KIF18B: variants seen among roughly 807,000 people sequenced by gnomAD.
KIF18B encodes the protein kinesin-like protein KIF18B.
In KIF18B, 49 loss-of-function variants were observed where a neutral mutation model predicts 80.9. The observed-to-expected ratio is 0.61, with a 90% CI of 0.48 to 0.77. The LOEUF (loss-of-function observed/expected upper bound fraction) is 0.77, where lower values mean the gene tolerates loss of function less well. KIF18B is among the 30% of genes least tolerant of loss of function. The probability of loss-of-function intolerance (pLI) is 0.00; values close to 1 mark genes in which losing one functional copy is unlikely to be tolerated. For missense variants in KIF18B, 994 were observed against 1,127.7 expected (o/e 0.88, Z 1.70); for synonymous variants, 439 against 463.9 (o/e 0.95, Z 0.69).
At chr17:44,943,443 G>A (rs2052456848) in intron 1 of KIF18B, among the ~76,000 whole-genome samples, 3 of 152,132 alleles carry the variant, frequency 2.0e-5, no homozygotes, top group Admixed American at 6.5e-5. Flanking sequence ...TGTAATTGAT[G>A]ATAGCGTTGT....
At chr17:44,943,495 T>A (rs761816293) in intron 1 of KIF18B, among the ~76,000 whole-genome samples, 2 of 152,180 alleles carry the variant, frequency 1.3e-5, no homozygotes, top group Non-Finnish European at 2.9e-5. Flanking sequence ...TTATTTTTCT[T>A]GTCTTACATT....
In KIF18B at chr17:44,926,395, T is replaced by A; in HGVS notation, c.2452+19A>T. ...CGGCCTCCATGGCCCAGGCTATCCC[T>A]GTCCCTAGTGCCAGTCACCTGGGAG... On this transcript the variant is annotated intron_variant, in intron 15 of 15. Coordinates refer to ENST00000593135, the MANE Select transcript of KIF18B (RefSeq NM_001265577.2). 6.4e-7 allele frequency: 1 copy of A among 1,561,690 alleles called. No homozygotes were observed. The highest frequency in any genetic ancestry group is 2.4e-5 in the East Asian group (1 of 41,810).
chr17:44,932,503 G>A, intron 9 of KIF18B, 170 bp downstream of exon 9: 1 of 610,102 alleles, frequency 1.6e-6, no homozygotes, highest in Non-Finnish European at 2.9e-6. Flanking sequence ...ATTGGACACA[G>A]CACTCTAGGT....
At chr17:44,942,674 C>T (rs1561969) in intron 1 of KIF18B, among the ~76,000 whole-genome samples, 10 of 152,218 alleles carry the variant, frequency 6.6e-5, no homozygotes, top group Admixed American at 5.9e-4. Flanking sequence ...CCTGGGCACC[C>T]GGCCCAGCAT....
At chr17:44,936,617 TATA>T (rs2052311393) in intron 1 of KIF18B, among the ~76,000 whole-genome samples, 2 of 86,272 alleles carry the variant, frequency 2.3e-5, no homozygotes, top group Non-Finnish European at 4.5e-5. Flanking sequence ...TATATATATA[TATA>T]TATATTTTTT....
intron 1 of KIF18B, among the ~76,000 whole-genome samples, chr17:44,939,578 CCTG>C (rs1234526811): frequency 6.6e-6 from 1 of 151,838 alleles, no homozygotes; most frequent in Non-Finnish European, 1.5e-5. Flanking sequence ...TATGAAAAAT[CCTG>C]CTAAGATTTT....
intron 1 of KIF18B, among the ~76,000 whole-genome samples, chr17:44,945,906 G>GAAAA (rs749503310): frequency 7.6e-5 from 7 of 92,038 alleles, no homozygotes; most frequent in African/African-American, 2.2e-4. Context: ...TTCTGTCTCA[G>GAAAA]AAAAAAAAAA....
At chr17:44,938,705 C>T (rs2052357339) in intron 1 of KIF18B, among the ~76,000 whole-genome samples, 1 of 152,166 alleles carries the variant, frequency 6.6e-6, no homozygotes, top group Non-Finnish European at 1.5e-5. Context: ...ATTCTTCCTC[C>T]ACCAATTTGA....
At chr17:44,942,078 AATGTCG>A (rs2052431801) in intron 1 of KIF18B, among the ~76,000 whole-genome samples, 1 of 152,132 alleles carries the variant, frequency 6.6e-6, no homozygotes, top group Non-Finnish European at 1.5e-5. Context: ...ACACCAGGTC[AATGTCG>A]CATCAGCTTC....
In KIF18B at chr17:44,934,685, G is replaced by C. The variant is rs1449317732; in HGVS notation, c.577-68C>G. ...TCAGGACTTTTCCCCTAACAGGAAG[G>C]GCTGCTCTTCAGAATCTACATCACC... On this transcript the variant is annotated intron_variant, in intron 4 of 15. Transcript: ENST00000593135. This position sits in a 1 kb window ranked among gnomAD's most constrained non-coding sequence, Gnocchi z 5.4. The C allele has an allele frequency of 7.2e-7, 1 of 1,385,634 alleles. No individual in the cohort carries two copies. Among genetic ancestry groups the C allele is most frequent in the Non-Finnish European group, 9.8e-7 (1 of 1,019,464 alleles). 85.8% of individuals were successfully genotyped at this position (1,385,634 alleles called of 1,614,324 possible). A position where few individuals can be genotyped will look rare whatever the true frequency, so the allele number is the denominator to read the frequency against.
rs2082884027 is a variant in KIF18B, at chr17:44,936,125, G to T, written c.220C>A (p.Arg74=). ...KGKDLTFVFD[R]VFGEAATQQD... ...TGGGTGGCCGCCTCGCCAAAGACCC[G>T]GTCAAAGACAAACGTCAGGTCTTTG... The change falls in exon 2 of 16, where the codon CGG becomes AGG. Residue 74 remains arginine, a synonymous_variant. Coordinates refer to ENST00000593135, the MANE Select transcript of KIF18B (RefSeq NM_001265577.2). 8 of 1,613,688 alleles carry T rather than the reference G, an allele frequency of 5.0e-6. No individual in the cohort carries two copies. The highest frequency in any genetic ancestry group is 5.9e-6 in the Non-Finnish European group (7 of 1,179,894).
At chr17:44,930,739 T>G (rs2052127534) in intron 11 of KIF18B, among the ~76,000 whole-genome samples, 1 of 152,154 alleles carries the variant, frequency 6.6e-6, no homozygotes, top group Non-Finnish European at 1.5e-5. Flanking sequence ...AGGGGACCCC[T>G]AGCAGAGGGG....
In KIF18B at chr17:44,943,908, T is replaced by C. The variant is rs974827862; in HGVS notation, c.-15+3720A>G. On this transcript the variant is annotated intron_variant, in intron 1 of 15. Transcript: ENST00000593135. The stretch of plus-strand genomic sequence containing the variant: ...ATTTTTAATTTTTTTGTAGAAATGA[T>C]GTCTCACTATGCCGCCCAGGCAGAT... Among the ~76,000 whole-genome samples, 4 of 152,114 alleles carry C rather than the reference T, an allele frequency of 2.6e-5. No homozygotes were observed. The South Asian group carries it at 8.3e-4, about 31-fold the overall frequency.
chr17:44,945,793 C>G (rs1191362211), intron 1 of KIF18B, among the ~76,000 whole-genome samples: 2 of 151,406 alleles, frequency 1.3e-5, no homozygotes, highest in Non-Finnish European at 2.9e-5. Context: ...GTAATGCCAG[C>G]TACTCCGGAG....
At chr17:44,936,598 CTATATATATA>C (rs1218900628) in intron 1 of KIF18B, among the ~76,000 whole-genome samples, 36 of 27,844 alleles carry the variant, frequency 1.3e-3, no homozygotes, top group African/African-American at 4.0e-3. Flanking sequence ...CTCTCTCTCT[CTATATATATA>C]TATATATATA....
In KIF18B at chr17:44,936,365, G is replaced by A. The variant is rs1175868213; in HGVS notation, c.-14-7C>T. On this transcript the variant is annotated splice_polypyrimidine_tract_variant and splice_region_variant and intron_variant, in intron 1 of 15. Coordinates refer to ENST00000593135, the MANE Select transcript of KIF18B (RefSeq NM_001265577.2). ...GCCATCACTGTGGTGACACCTGGGT[G>A]AGACATGGTGGAGCTGAGGACCAAT... The A allele has an allele frequency of 2.5e-6, 4 of 1,586,036 alleles. No individual in the cohort carries two copies. In the East Asian group the frequency reaches 9.1e-5, roughly 36 times the overall value.
chr17:44,933,108 G>C lies in KIF18B; in HGVS notation c.1063-122C>G, dbSNP rs545782989. 3.7e-6 allele frequency: 3 copies of C among 805,720 alleles called. No individual in the cohort carries two copies. In the South Asian group the frequency reaches 5.2e-5, roughly 14 times the overall value. 49.9% of individuals were successfully genotyped at this position (805,720 alleles called of 1,614,324 possible). A position where few individuals can be genotyped will look rare whatever the true frequency, so the allele number is the denominator to read the frequency against. On this transcript the variant is annotated intron_variant, in intron 7 of 15. Transcript: ENST00000593135. The stretch of plus-strand genomic sequence containing the variant: ...GTCCCCATGACCCACCCTCGCAAGT[G>C]GGGAGACACAGCAGAGAAGGTCAGT...
In KIF18B at chr17:44,936,569, T is replaced by A. The variant is rs865994986; in HGVS notation, c.-14-211A>T. ...ATACTCAAATGACTCTCTCTCTCTC[T>A]CTCTCTCTCTCTCTCTCTCTCTCTC... On this transcript the variant is annotated intron_variant, in intron 1 of 15. Transcript: ENST00000593135. Among the ~76,000 whole-genome samples, 348 of 50,056 alleles carry A rather than the reference T, an allele frequency of 7.0e-3. 12 individuals are homozygous for A. The highest frequency in any genetic ancestry group is 0.018 in the African/African-American group (232 of 13,200). The allele number at this position is 50,056 out of a possible 152,430, so 32.8% of individuals were successfully genotyped here.
At chr17:44,945,906 G>GAA (rs749503310) in intron 1 of KIF18B, among the ~76,000 whole-genome samples, 1,145 of 91,978 alleles carry the variant, frequency 0.012, 20 homozygotes, top group African/African-American at 0.032. Flanking sequence ...TTCTGTCTCA[G>GAA]AAAAAAAAAA....
Sources: gnomAD v4.1 joint callset for allele counts (sites outside exome capture counted in the v4.1 genomes callset) on GRCh38, gnomAD v4.1.1 for gene constraint, Gnocchi (gnomAD v3.1) non-coding constraint, MANE v1.5 for transcripts, NCBI Gene and HGNC (gene_info 2026-07-23, HGNC 2026-07-21) for gene names.